The following DGKB variants were observed in gnomAD, a reference collection of about 807,000 sequenced individuals.
DGKB encodes the protein diacylglycerol kinase beta.
Under a neutral mutation model 114.3 loss-of-function variants are expected in DGKB, and 67 were observed. The observed-to-expected ratio is 0.59, with a 90% CI of 0.48 to 0.72. The LOEUF (loss-of-function observed/expected upper bound fraction) is 0.72, where lower values mean the gene tolerates loss of function less well. DGKB is among the 30% of genes least tolerant of loss of function. The pLI is 0.00. For missense variants in DGKB, 907 were observed against 975.2 expected, an observed-to-expected ratio of 0.93 and a Z score of 0.93; for synonymous variants, 398 against 323.1, an observed-to-expected ratio of 1.23 and a Z score of -2.49.
chr7:14,199,877 A>G (rs1007619989), intron 23 of DGKB, among the ~76,000 whole-genome samples: 4 of 152,080 alleles, frequency 2.6e-5, no homozygotes, highest in African/African-American at 9.7e-5. Flanking sequence ...GCAAATACTT[A>G]CTACAATGTC....
chr7:14,518,502 C>T (rs1442233085), intron 20 of DGKB, among the ~76,000 whole-genome samples: 2 of 151,968 alleles, frequency 1.3e-5, no homozygotes, highest in Non-Finnish European at 2.9e-5. Flanking sequence ...AGTACTGCCA[C>T]ATCTTGTGAT....
intron 23 of DGKB, among the ~76,000 whole-genome samples, chr7:14,315,264 T>C (rs1806251227): frequency 6.6e-6 from 1 of 150,628 alleles, no homozygotes. Flanking sequence ...AATGACAGCA[T>C]CAAATTCACA....
rs537033095 is a variant in DGKB, at chr7:14,664,518, T to C, written c.1134+8411A>G. 5.9e-5 allele frequency among the ~76,000 whole-genome samples: 9 copies of C among 152,124 alleles called. No individual in the cohort carries two copies. In the South Asian group the frequency reaches 1.9e-3, roughly 32 times the overall value. The stretch of plus-strand genomic sequence containing the variant: ...GCCAGGAAGCCATTATCTTGGACCT[T>C]GTATTTTCTCCCTCTCCAGCCTCAC... On this transcript the variant is annotated intron_variant, in intron 13 of 25. Coordinates refer to ENST00000402815, the MANE Select transcript of DGKB (RefSeq NM_001350709.2).
chr7:14,202,372 A>G (rs1170484057), intron 23 of DGKB, among the ~76,000 whole-genome samples: 2 of 151,978 alleles, frequency 1.3e-5, no homozygotes, highest in Non-Finnish European at 2.9e-5. Flanking sequence ...GAGGCTACTG[A>G]TGGAAAGTGC....
At chr7:14,861,223 G>C (rs1019117030) in intron 1 of DGKB, among the ~76,000 whole-genome samples, 1 of 151,804 alleles carries the variant, frequency 6.6e-6, no homozygotes, top group African/African-American at 2.4e-5. Flanking sequence ...CTCTAAACTT[G>C]AGGCATCCAA....
chr7:14,692,756 T>C (rs976064475), intron 9 of DGKB, among the ~76,000 whole-genome samples: 1 of 151,728 alleles, frequency 6.6e-6, no homozygotes, highest in African/African-American at 2.4e-5. Context: ...TTATTAGTAT[T>C]TTATTGTTTT....
At chr7:14,778,850 T>C (rs187438861) in intron 2 of DGKB, among the ~76,000 whole-genome samples, 20 of 152,306 alleles carry the variant, frequency 1.3e-4, no homozygotes, top group African/African-American at 4.3e-4. Context: ...TGCCAATTGC[T>C]TAAATTAATC....
chr7:14,688,103 T>C (rs980100976), intron 9 of DGKB, among the ~76,000 whole-genome samples: 3 of 152,214 alleles, frequency 2.0e-5, no homozygotes, highest in Non-Finnish European at 1.5e-5. Flanking sequence ...TCCAACTCTC[T>C]ATTTTCATGT....
rs74864889 is a variant in DGKB, at chr7:14,877,189, G to A, written c.-188+25403C>T. On this transcript the variant is annotated intron_variant, in intron 1 of 25. Coordinates refer to ENST00000402815, the MANE Select transcript of DGKB (RefSeq NM_001350709.2). ...CTCAGAGAATTCAGAATTCACATGT[G>A]GTTTACCCCCTATTATACGATTGCT... 6.4e-3 allele frequency among the ~76,000 whole-genome samples: 968 copies of A among 152,224 alleles called. 10 individuals are homozygous for A. Among genetic ancestry groups the A allele is most frequent in the African/African-American group, 0.022 (915 of 41,534 alleles).
chr7:14,767,854 T>G (rs563618668), intron 2 of DGKB, among the ~76,000 whole-genome samples: 1 of 152,114 alleles, frequency 6.6e-6, no homozygotes, highest in African/African-American at 2.4e-5. Flanking sequence ...CATTTTATTT[T>G]TTTTAAGTTC....
chr7:14,330,195 C>A (rs1008672863), intron 23 of DGKB, among the ~76,000 whole-genome samples: 1 of 151,886 alleles, frequency 6.6e-6, no homozygotes, highest in East Asian at 1.9e-4. Flanking sequence ...ACAATCTGAG[C>A]CTTAATTAAA....
chr7:14,808,628 CA>C (rs1843042140), intron 2 of DGKB, among the ~76,000 whole-genome samples: 1 of 151,998 alleles, frequency 6.6e-6, no homozygotes, highest in African/African-American at 2.4e-5. Flanking sequence ...ATGAATGCAG[CA>C]GAAGAGATTG....
At chr7:14,244,392 C>G (rs547529704) in intron 23 of DGKB, among the ~76,000 whole-genome samples, 4 of 152,110 alleles carry the variant, frequency 2.6e-5, no homozygotes, top group Non-Finnish European at 4.4e-5. Context: ...CGCGGTGGCT[C>G]ACGCCTGTAA....
At chr7:14,858,282 T>C (rs1331911890) in intron 1 of DGKB, among the ~76,000 whole-genome samples, 1 of 152,192 alleles carries the variant, frequency 6.6e-6, no homozygotes, top group Non-Finnish European at 1.5e-5. Context: ...CCAAATTGTC[T>C]ACAGCAGATA....
chr7:14,356,653 C>T (rs1218908193), intron 21 of DGKB, among the ~76,000 whole-genome samples: 1 of 151,844 alleles, frequency 6.6e-6, no homozygotes, highest in Middle Eastern at 3.2e-3. Flanking sequence ...AGCCACCACG[C>T]CCGGGCTTGC....
chr7:14,694,436 AAC>A (rs1015276442), intron 8 of DGKB, among the ~76,000 whole-genome samples: 2 of 152,202 alleles, frequency 1.3e-5, no homozygotes, highest in African/African-American at 4.8e-5. Context: ...TTTTCCCATG[AAC>A]AGCACAGCTA....
chr7:14,326,766 T>C (rs576976504), intron 23 of DGKB, among the ~76,000 whole-genome samples: 3 of 152,262 alleles, frequency 2.0e-5, no homozygotes, highest in Admixed American at 2.0e-4. Flanking sequence ...CTTGAAGTAA[T>C]ACTTTGGTTC....
intron 6 of DGKB, among the ~76,000 whole-genome samples, chr7:14,714,230 G>A (rs533988965): frequency 1.3e-5 from 2 of 151,996 alleles, no homozygotes; most frequent in African/African-American, 4.8e-5. Context: ...ATACACTGTG[G>A]GGAGGCAGGG....
intron 23 of DGKB, among the ~76,000 whole-genome samples, chr7:14,300,323 C>G (rs180983319): frequency 6.6e-6 from 1 of 152,022 alleles, no homozygotes; most frequent in East Asian, 1.9e-4. Context: ...AGGGAGTGCT[C>G]TAGGTGAGGC....
Sources: gnomAD v4.1 joint callset for allele counts (sites outside exome capture counted in the v4.1 genomes callset) on GRCh38, gnomAD v4.1.1 for gene constraint, MANE v1.5 for transcripts, NCBI Gene and HGNC (gene_info 2026-07-23, HGNC 2026-07-21) for gene names.